Variants in POU5F1B observed in about 807,000 individuals in gnomAD.
The protein encoded by POU5F1B is POU class 5 homeobox 1B.
In POU5F1B, 24 loss-of-function variants were observed where a neutral mutation model predicts 28.1. That is an observed-to-expected ratio of 0.85 (90% confidence interval 0.62 to 1.20). The LOEUF (loss-of-function observed/expected upper bound fraction) is 1.20. Among genes scored for constraint, POU5F1B ranks in the 50% most tolerant of loss-of-function variants. POU5F1B has a pLI of 0.00. For missense variants in POU5F1B, 451 were observed against 451.5 expected, an observed-to-expected ratio of 1.00 and a Z score of 0.01; for synonymous variants, 220 against 193.2, an observed-to-expected ratio of 1.14 and a Z score of -1.15.
chr8:127,415,727 C>G (rs778771426), exon 3 of POU5F1B: 3 of 1,346,792 alleles, frequency 2.2e-6, no homozygotes, highest in Non-Finnish European at 2.9e-6. Context: ...ATTCAGTCAA[C>G]ATTTAATGAT....
exon 3 of POU5F1B, chr8:127,416,474 T>C (rs756336940): frequency 4.3e-6 from 7 of 1,609,684 alleles, no homozygotes; most frequent in Non-Finnish European, 5.9e-6. Flanking sequence ...CTGCGGCCCT[T>C]GCTGCAGAAG....
rs531267041 is a variant in POU5F1B, at chr8:127,415,935, G to A, written c.69G>A (p.Trp23Ter). ...CAGGCGGTGGGGGTGATGGGCCATG[G>A]GGGGCGGAGCCGGGCTGGGTTGATC... Residue 23 changes from tryptophan (W) to a stop codon, truncating the protein, a stop_gained, in exon 3 of 3, where the codon TGG becomes TGA. Transcript: ENST00000465342. LOFTEE classifies it high-confidence loss of function. The A allele has an allele frequency of 2.3e-4, 363 of 1,558,958 alleles. No homozygotes were observed. Among genetic ancestry groups the A allele is most frequent in the Non-Finnish European group, 3.1e-4 (354 of 1,152,164 alleles).
Position 127,417,205 on chromosome 8 carries a change from A to AG in POU5F1B, c.*259_*260insG. On this transcript the variant is annotated 3_prime_UTR_variant, in exon 3 of 3. Coordinates refer to ENST00000465342, the Ensembl canonical transcript of POU5F1B. Reference sequence around the variant, plus strand: ...AGCCTGGGACACAGTAAAAAAAAAAAAAAAAGAAAGAAAAGAAAAGTAACA... The same window carrying AG: ...AGCCTGGGACACAGTAAAAAAAAAAAGAAAAAGAAAGAAAAGAAAAGTAACA... 5.4e-5 allele frequency: 17 copies of AG among 314,262 alleles called. No homozygotes were observed. The East Asian group carries it at 7.5e-4, about 14-fold the overall frequency. 19.5% of individuals were successfully genotyped at this position (314,262 alleles called of 1,614,324 possible). A position where few individuals can be genotyped will look rare whatever the true frequency, so the allele number is the denominator to read the frequency against.
chr8:127,416,046 T>A (rs980517037), exon 3 of POU5F1B: 17 of 1,607,324 alleles, frequency 1.1e-5, no homozygotes, highest in African/African-American at 4.0e-5. Context: ...TGTGGGGGAT[T>A]CCCCCTTGCC....
rs1389682828 is a variant in POU5F1B, at chr8:127,415,853, C to G, written c.-14C>G. 2 of 1,508,800 alleles carry G rather than the reference C, an allele frequency of 1.3e-6. No homozygotes were observed. Among genetic ancestry groups the G allele is most frequent in the South Asian group, 2.6e-5 (2 of 77,310 alleles). 93.5% of individuals were successfully genotyped at this position (1,508,800 alleles called of 1,614,324 possible). A position where few individuals can be genotyped will look rare whatever the true frequency, so the allele number is the denominator to read the frequency against. Reference sequence around the variant, plus strand: ...ATTTCACCAGGCCCCCGGCTTGGGGCGCCTTCCTTCCCCATGGCGGGACAC... The same window carrying G: ...ATTTCACCAGGCCCCCGGCTTGGGGGGCCTTCCTTCCCCATGGCGGGACAC... On this transcript the variant is annotated 5_prime_UTR_variant, in exon 3 of 3. Coordinates refer to ENST00000465342, the Ensembl canonical transcript of POU5F1B.
chr8:127,415,826 T>C, exon 3 of POU5F1B: 1 of 1,477,878 alleles, frequency 6.8e-7, no homozygotes, highest in Non-Finnish European at 9.0e-7. Flanking sequence ...ACATAATTGC[T>C]CATTTCACCA....
exon 3 of POU5F1B, chr8:127,416,234 A>T: frequency 6.2e-7 from 1 of 1,613,888 alleles, no homozygotes; most frequent in Non-Finnish European, 8.5e-7. Flanking sequence ...GGTGCCGTGA[A>T]GCTGGAGAAG....
chr8:127,413,955 G>T (rs539197282), intron 1 of POU5F1B, among the ~76,000 whole-genome samples: 1 of 152,184 alleles, frequency 6.6e-6, no homozygotes, highest in South Asian at 2.1e-4. Flanking sequence ...AGAAGTTAAT[G>T]ATAAAATGAT....
At chr8:127,415,803 T>C in exon 3 of POU5F1B, 1 of 1,461,208 alleles carries the variant, frequency 6.8e-7, no homozygotes. Context: ...CACAGAGCTT[T>C]CAATGAAAAG....
At chr8:127,416,860 C>T (rs1270948530) in exon 3 of POU5F1B, 3 of 1,602,002 alleles carry the variant, frequency 1.9e-6, no homozygotes, top group African/African-American at 1.3e-5. Flanking sequence ...CTTCACTGCA[C>T]TGTACTCCTC....
exon 3 of POU5F1B, chr8:127,416,941 A>C: frequency 1.9e-6 from 3 of 1,600,728 alleles, no homozygotes; most frequent in Non-Finnish European, 1.7e-6. Flanking sequence ...CATGCATTCA[A>C]ACTGAGGTGC....
In POU5F1B at chr8:127,416,802, T is replaced by G. The variant is rs775635108; in HGVS notation, c.936T>G (p.Pro312=). 97 of 1,606,020 alleles carry G rather than the reference T, an allele frequency of 6.0e-5. 1 individual carries two copies. In the South Asian group the frequency reaches 7.2e-4, roughly 12 times the overall value. ...TCTCAGGGGGACCAGTGTCCTTTCC[T>G]CCGGCCCCAGGGCCCCATTTTGGTA... The change falls in exon 3 of 3, where the codon CCT becomes CCG. Residue 312 remains proline, a synonymous_variant. Coordinates refer to ENST00000465342, the Ensembl canonical transcript of POU5F1B.
chr8:127,415,908 T>A (rs770900474), exon 3 of POU5F1B: 11 of 1,545,210 alleles, frequency 7.1e-6, no homozygotes, highest in Non-Finnish European at 9.6e-6. Flanking sequence ...TCTCGCCCCC[T>A]CCAGGCGGTG....
chr8:127,416,114 G>C (rs1410800746), exon 3 of POU5F1B: 1 of 1,613,406 alleles, frequency 6.2e-7, no homozygotes, highest in African/African-American at 1.3e-5. Flanking sequence ...GTTGGAGTGG[G>C]GCTAGTGCCC....
chr8:127,415,587 C>T, exon 3 of POU5F1B: 1 of 435,910 alleles, frequency 2.3e-6, no homozygotes, highest in Non-Finnish European at 3.8e-6. Context: ...TCAGATCGGC[C>T]ACTGACACAA....
chr8:127,413,761 G>T (rs779509270), intron 1 of POU5F1B, among the ~76,000 whole-genome samples: 7 of 151,924 alleles, frequency 4.6e-5, no homozygotes, highest in Non-Finnish European at 8.8e-5. Context: ...TCACTTTTCT[G>T]CTAAATGAGA....
exon 3 of POU5F1B, chr8:127,416,925 C>A: frequency 6.2e-7 from 1 of 1,601,366 alleles, no homozygotes. Flanking sequence ...TCACTCTGGG[C>A]TCTCCCATGC....
At chr8:127,415,706 G>A in exon 3 of POU5F1B, 2 of 1,215,512 alleles carry the variant, frequency 1.6e-6, no homozygotes, top group Non-Finnish European at 2.2e-6. Context: ...CTTTTGAAGA[G>A]TTCCTAACAC....
intron 1 of POU5F1B, among the ~76,000 whole-genome samples, chr8:127,414,615 GCC>G (rs1815103378): frequency 6.6e-6 from 1 of 152,144 alleles, no homozygotes; most frequent in African/African-American, 2.4e-5. Context: ...TTATTCTAAA[GCC>G]CCTTCTCTTT....
Sources: allele counts gnomAD v4.1 joint callset (sites outside exome capture counted in the v4.1 genomes callset), GRCh38; gene constraint gnomAD v4.1.1; transcripts MANE v1.5; gene names NCBI Gene and HGNC (gene_info 2026-07-23, HGNC 2026-07-21).